The following ANKS1B variants were observed in gnomAD, a reference collection of about 807,000 sequenced individuals.
The protein encoded by ANKS1B is ankyrin repeat and sterile alpha motif domain containing 1B, also known as ankyrin repeat and sterile alpha motif domain-containing protein 1B.
In ANKS1B, 36 loss-of-function variants were observed where a neutral mutation model predicts 148.3. That is an observed-to-expected ratio of 0.24 (90% confidence interval 0.19 to 0.32). The LOEUF (loss-of-function observed/expected upper bound fraction) is 0.32. Ranked by LOEUF, ANKS1B falls within the 10% of genes least tolerant of loss-of-function variation. The pLI is 1.00. For synonymous variants in ANKS1B, 542 were observed against 560.8 expected (o/e 0.97, Z 0.47); for missense variants, 1,157 against 1,542.6 (o/e 0.75, Z 4.19).
At chr12:98,877,164 G>A (rs1162977754) in intron 17 of ANKS1B, among the ~76,000 whole-genome samples, 1 of 152,150 alleles carries the variant, frequency 6.6e-6, no homozygotes, top group African/African-American at 2.4e-5. Context: ...TGGTCTACCT[G>A]CAGCCTAATG....
At chr12:99,158,973 C>T (rs533124729) in intron 14 of ANKS1B, among the ~76,000 whole-genome samples, 1 of 152,242 alleles carries the variant, frequency 6.6e-6, no homozygotes, top group South Asian at 2.1e-4. Context: ...TTCTTCCACC[C>T]AGACCCCATT....
chr12:99,356,700 G>A (rs948679700), intron 12 of ANKS1B, among the ~76,000 whole-genome samples: 9 of 152,120 alleles, frequency 5.9e-5, no homozygotes, highest in African/African-American at 2.2e-4. Context: ...CTATCTTCCA[G>A]CAGATTGATG....
intron 19 of ANKS1B, among the ~76,000 whole-genome samples, chr12:98,813,358 T>C (rs955115020): frequency 1.8e-4 from 26 of 144,028 alleles, no homozygotes; most frequent in African/African-American, 6.6e-4. Context: ...ACTACAGGGA[T>C]GCACCACTTC....
chr12:99,086,251 T>C (rs865995527), intron 15 of ANKS1B, among the ~76,000 whole-genome samples: 6 of 152,010 alleles, frequency 3.9e-5, no homozygotes, highest in Non-Finnish European at 7.4e-5. Context: ...TAATCAGATA[T>C]AGGAAAAATG....
At chr12:99,194,986 T>A (rs760810545) in intron 14 of ANKS1B, among the ~76,000 whole-genome samples, 20 of 152,196 alleles carry the variant, frequency 1.3e-4, no homozygotes, top group Admixed American at 5.9e-4. Context: ...AAGGTTTTTT[T>A]AATCATGCTA....
At chr12:99,632,752 TATATATA>T (rs1175572983) in intron 9 of ANKS1B, among the ~76,000 whole-genome samples, 25 of 112,292 alleles carry the variant, frequency 2.2e-4, no homozygotes, top group African/African-American at 7.9e-4. Context: ...TATATATATA[TATATATA>T]TATATATATT....
intron 8 of ANKS1B, among the ~76,000 whole-genome samples, chr12:99,656,564 C>T (rs1231530333): frequency 6.6e-6 from 1 of 151,742 alleles, no homozygotes; most frequent in Non-Finnish European, 1.5e-5. Context: ...GAAAATTTCC[C>T]AAAAGATGAA....
intron 9 of ANKS1B, among the ~76,000 whole-genome samples, chr12:99,565,916 T>G (rs2097386986): frequency 6.6e-6 from 1 of 152,148 alleles, no homozygotes; most frequent in Admixed American, 6.5e-5. Flanking sequence ...CTGAGAGGGC[T>G]AGAGGACAAT....
At chr12:99,350,215 G>A (rs573786138) in intron 12 of ANKS1B, among the ~76,000 whole-genome samples, 5 of 151,988 alleles carry the variant, frequency 3.3e-5, no homozygotes, top group East Asian at 1.9e-4. Context: ...ATGTGCCTGC[G>A]TCCCCTTCAC....
intron 1 of ANKS1B, among the ~76,000 whole-genome samples, chr12:99,837,069 T>G (rs2084963769): frequency 1.3e-5 from 2 of 152,122 alleles, no homozygotes; most frequent in South Asian, 2.1e-4. Flanking sequence ...GTGGGCCCCA[T>G]GTAATTACAA....
At chr12:99,577,355 TAGC>T (rs1567392138) in intron 9 of ANKS1B, among the ~76,000 whole-genome samples, 1 of 150,610 alleles carries the variant, frequency 6.6e-6, no homozygotes, top group African/African-American at 2.4e-5. Context: ...ACCCCGATGC[TAGC>T]AGAAGAAAAA....
At chr12:99,168,798 T>C (rs981604025) in intron 14 of ANKS1B, among the ~76,000 whole-genome samples, 1 of 152,164 alleles carries the variant, frequency 6.6e-6, no homozygotes, top group Non-Finnish European at 1.5e-5. Flanking sequence ...ACCTCAATTT[T>C]GGCATGTTCT....
At chr12:99,285,578 C>A (rs1264050193) in intron 12 of ANKS1B, among the ~76,000 whole-genome samples, 1 of 152,166 alleles carries the variant, frequency 6.6e-6, no homozygotes, top group Non-Finnish European at 1.5e-5. Context: ...GAATAACCAT[C>A]CACATAAGAA....
chr12:99,875,760 T>C (rs1326702258), intron 1 of ANKS1B, among the ~76,000 whole-genome samples: 1 of 152,218 alleles, frequency 6.6e-6, no homozygotes, highest in East Asian at 1.9e-4. Flanking sequence ...ATTCAGCAGA[T>C]GTTTACTGTG....
intron 9 of ANKS1B, among the ~76,000 whole-genome samples, chr12:99,627,362 T>C (rs1056451000): frequency 6.6e-6 from 1 of 152,184 alleles, no homozygotes; most frequent in Non-Finnish European, 1.5e-5. Flanking sequence ...TAAAGGCTAA[T>C]GTTTATTATG....
intron 17 of ANKS1B, among the ~76,000 whole-genome samples, chr12:98,891,402 A>G (rs1235504490): frequency 6.6e-6 from 1 of 152,226 alleles, no homozygotes; most frequent in Non-Finnish European, 1.5e-5. Flanking sequence ...GCTTAATCAT[A>G]TATTTGACTT....
chr12:99,656,782 A>G (rs2098451785), intron 8 of ANKS1B, among the ~76,000 whole-genome samples: 1 of 152,058 alleles, frequency 6.6e-6, no homozygotes, highest in African/African-American at 2.4e-5. Context: ...GCATAAATAA[A>G]AAGAAATACA....
intron 1 of ANKS1B, among the ~76,000 whole-genome samples, chr12:99,924,009 G>A (rs1255719313): frequency 6.6e-6 from 1 of 152,018 alleles, no homozygotes; most frequent in African/African-American, 2.4e-5. Context: ...TTAAAATATT[G>A]TATATTATTT....
chr12:99,036,958 T>C (rs896460742), intron 17 of ANKS1B, among the ~76,000 whole-genome samples: 9 of 152,234 alleles, frequency 5.9e-5, no homozygotes, highest in African/African-American at 1.9e-4. Context: ...ACAGATTAAT[T>C]GGCAGCACTT....
Sources: allele counts gnomAD v4.1 joint callset (sites outside exome capture counted in the v4.1 genomes callset), GRCh38; gene constraint gnomAD v4.1.1; transcripts MANE v1.5; gene names NCBI Gene and HGNC (gene_info 2026-07-23, HGNC 2026-07-21).